The following CFDP1 variants were observed in gnomAD, a reference collection of about 807,000 sequenced individuals.
CFDP1 encodes heterochromatin-stabilizing protein CFDP1.
In CFDP1, 31 loss-of-function variants were observed where a neutral mutation model predicts 40.1. The observed-to-expected ratio is 0.77, with a 90% CI of 0.58 to 1.04. The LOEUF is 1.04. CFDP1 is among the 50% of genes least tolerant of loss of function. The pLI is 0.00. For synonymous variants in CFDP1, 167 were observed against 120.0 expected (o/e 1.39, Z -2.56); for missense variants, 423 against 343.4 (o/e 1.23, Z -1.83).
intron 5 of CFDP1, among the ~76,000 whole-genome samples, chr16:75,386,586 G>A (rs2078899596): frequency 6.6e-6 from 1 of 152,146 alleles, no homozygotes; most frequent in Non-Finnish European, 1.5e-5. Flanking sequence ...TTAGCCGGGC[G>A]TGGTGGCAGG....
intron 5 of CFDP1, among the ~76,000 whole-genome samples, chr16:75,323,706 G>A (rs1472706282): frequency 6.6e-6 from 1 of 151,400 alleles, no homozygotes; most frequent in African/African-American, 2.4e-5. Context: ...TTGAATCCAG[G>A]AGGTAGAGGT....
intron 6 of CFDP1, among the ~76,000 whole-genome samples, chr16:75,303,389 A>ATG (rs1567639288): frequency 9.1e-5 from 12 of 131,656 alleles, no homozygotes; most frequent in African/African-American, 2.8e-4. Flanking sequence ...AAATAAATAA[A>ATG]TAAATAAATA....
chr16:75,314,333 G>A lies in CFDP1; in HGVS notation c.651-9151C>T, dbSNP rs144649178. On this transcript the variant is annotated intron_variant, in intron 5 of 6. Coordinates refer to ENST00000283882, the MANE Select transcript of CFDP1 (RefSeq NM_006324.3). Reference sequence around the variant, plus strand: ...ATACCTGCTACAACATGGATGGACCGTGAAAACATTACGTTAAGCGAGAGA... The same window carrying A: ...ATACCTGCTACAACATGGATGGACCATGAAAACATTACGTTAAGCGAGAGA... Among the ~76,000 whole-genome samples, 312 of 152,292 alleles carry A rather than the reference G, an allele frequency of 2.0e-3. 4 individuals are homozygous for A. The East Asian group carries it at 0.049, about 24-fold the overall frequency.
intron 5 of CFDP1, among the ~76,000 whole-genome samples, chr16:75,362,323 C>G (rs2078685059): frequency 6.6e-6 from 1 of 152,168 alleles, no homozygotes; most frequent in African/African-American, 2.4e-5. Flanking sequence ...TCTAGGAGGG[C>G]TGATATCAAC....
chr16:75,304,307 A>C (rs1341089357), intron 6 of CFDP1, among the ~76,000 whole-genome samples: 2 of 152,142 alleles, frequency 1.3e-5, no homozygotes, highest in African/African-American at 4.8e-5. Context: ...ACCTCAAGTG[A>C]TCTGCCCGCC....
At chr16:75,295,052 A>T (rs1187346943) in intron 6 of CFDP1, among the ~76,000 whole-genome samples, 1 of 152,234 alleles carries the variant, frequency 6.6e-6, no homozygotes, top group Non-Finnish European at 1.5e-5. Context: ...AATGGGAGAC[A>T]AAATTGAATC....
intron 1 of CFDP1, among the ~76,000 whole-genome samples, chr16:75,415,023 C>T (rs4888415): frequency 0.51 from 77,785 of 152,048 alleles, 20,935 homozygotes; most frequent in Admixed American, 0.64. Flanking sequence ...TTTAAGTATT[C>T]ACTAAATGAA....
At chr16:75,418,344 C>G (rs1482688101) in intron 1 of CFDP1, among the ~76,000 whole-genome samples, 1 of 138,442 alleles carries the variant, frequency 7.2e-6, no homozygotes, top group Non-Finnish European at 1.5e-5. Context: ...CTCGCTCTGT[C>G]GCCCAGGCTA....
intron 6 of CFDP1, among the ~76,000 whole-genome samples, chr16:75,302,751 G>A (rs2078229638): frequency 6.6e-6 from 1 of 152,216 alleles, no homozygotes; most frequent in South Asian, 2.1e-4. Flanking sequence ...TGGGGCGCAT[G>A]TCAGAGCTAC....
At chr16:75,425,686 C>A (rs1363439190) in intron 1 of CFDP1, among the ~76,000 whole-genome samples, 1 of 151,000 alleles carries the variant, frequency 6.6e-6, no homozygotes. Flanking sequence ...ATCCATAACT[C>A]ATATCTTATG....
At chr16:75,415,956 G>A (rs1307799398) in intron 1 of CFDP1, among the ~76,000 whole-genome samples, 1 of 152,116 alleles carries the variant, frequency 6.6e-6, no homozygotes, top group Non-Finnish European at 1.5e-5. Flanking sequence ...AAGTTCAAGC[G>A]ATTCTCCTGC....
chr16:75,388,745 A>G (rs2078921543), intron 5 of CFDP1, among the ~76,000 whole-genome samples: 1 of 152,192 alleles, frequency 6.6e-6, no homozygotes, highest in African/African-American at 2.4e-5. Context: ...GTTACTGACT[A>G]CATACACTGA....
chr16:75,354,307 G>C (rs2078632365), intron 5 of CFDP1, among the ~76,000 whole-genome samples: 1 of 152,168 alleles, frequency 6.6e-6, no homozygotes, highest in Admixed American at 6.5e-5. Context: ...AACATGTGTA[G>C]TAACTTGCTG....
At chr16:75,316,134 C>T (rs532270634) in intron 5 of CFDP1, among the ~76,000 whole-genome samples, 77 of 152,254 alleles carry the variant, frequency 5.1e-4, no homozygotes, top group African/African-American at 1.8e-3. Context: ...TGAGGTTGGG[C>T]ACTTCTTACT....
At chr16:75,326,822 T>G (rs1248809111) in intron 5 of CFDP1, among the ~76,000 whole-genome samples, 26 of 152,180 alleles carry the variant, frequency 1.7e-4, no homozygotes, top group Admixed American at 1.7e-3. Flanking sequence ...CTCACAATTC[T>G]GAAGGGAAAG....
At chr16:75,295,290 A>T (rs554938066) in intron 6 of CFDP1, among the ~76,000 whole-genome samples, 1 of 152,310 alleles carries the variant, frequency 6.6e-6, no homozygotes, top group East Asian at 1.9e-4. Context: ...CCAGAAATGT[A>T]CAGGCTCTGA....
At chr16:75,335,094 T>C (rs549460982) in intron 5 of CFDP1, among the ~76,000 whole-genome samples, 8 of 152,216 alleles carry the variant, frequency 5.3e-5, no homozygotes, top group Non-Finnish European at 1.2e-4. Flanking sequence ...ATTCTTCATG[T>C]GGGTTACAGT....
At chr16:75,406,299 C>G (rs938627885) in intron 4 of CFDP1, among the ~76,000 whole-genome samples, 1 of 152,080 alleles carries the variant, frequency 6.6e-6, no homozygotes, top group African/African-American at 2.4e-5. Flanking sequence ...ATTTCTTCAG[C>G]CTGGGAGATC....
In CFDP1 at chr16:75,297,859, G is replaced by A. The variant is rs944481905; in HGVS notation, c.810-3817C>T. 3.3e-5 allele frequency among the ~76,000 whole-genome samples: 5 copies of A among 152,154 alleles called. No individual in the cohort carries two copies. The South Asian group carries it at 6.2e-4, about 19-fold the overall frequency. ...CCCTGAGATCTAGGCCAATGAAAAG[G>A]GAGGGAGAAATGGAAGCAGAGGACA... On this transcript the variant is annotated intron_variant, in intron 6 of 6. Coordinates refer to ENST00000283882, the MANE Select transcript of CFDP1 (RefSeq NM_006324.3).
Sources: allele counts gnomAD v4.1 joint callset (sites outside exome capture counted in the v4.1 genomes callset), GRCh38; gene constraint gnomAD v4.1.1; transcripts MANE v1.5; gene names NCBI Gene and HGNC (gene_info 2026-07-23, HGNC 2026-07-21).